The following BORCS5 variants were observed in gnomAD, a reference collection of about 807,000 sequenced individuals.
The protein encoded by BORCS5 is BLOC-1-related complex subunit 5.
Under a neutral mutation model 22.1 loss-of-function variants are expected in BORCS5, and 17 were observed. The observed-to-expected ratio is 0.77, with a 90% CI of 0.53 to 1.15. BORCS5 has a LOEUF of 1.15. Among genes scored for constraint, BORCS5 ranks in the 50% most tolerant of loss-of-function variants. The pLI is 0.00. For synonymous variants in BORCS5, 117 were observed against 99.8 expected (o/e 1.17, Z -1.03); for missense variants, 247 against 253.2 (o/e 0.98, Z 0.17).
At chr12:12,373,024 A>G (rs1863564946) in intron 2 of BORCS5, among the ~76,000 whole-genome samples, 1 of 152,104 alleles carries the variant, frequency 6.6e-6, no homozygotes, top group Admixed American at 6.5e-5. Context: ...CCCAATTCAC[A>G]GGTTGAAATT....
intron 2 of BORCS5, among the ~76,000 whole-genome samples, chr12:12,414,854 C>T: frequency 6.7e-6 from 1 of 149,772 alleles, no homozygotes; most frequent in East Asian, 2.0e-4. Flanking sequence ...GGCAGAGACG[C>T]TCCTCACCTC....
chr12:12,467,032 G>A lies in BORCS5; in HGVS notation c.*1256G>A, dbSNP rs911129104. ...ACTCCTCAAACTCCCGGGCTCCGGG[G>A]ATCCTCACGCCTCAGACTCCTGAGT... On this transcript the variant is annotated 3_prime_UTR_variant, in exon 4 of 4. Transcript: ENST00000314565. The A allele has an allele frequency of 6.6e-6, 1 of 152,184 alleles. No homozygotes were observed. The highest frequency in any genetic ancestry group is 1.5e-5 in the Non-Finnish European group (1 of 68,048). The allele number at this position is 152,184 out of a possible 1,614,324, so 9.4% of individuals were successfully genotyped here.
chr12:12,439,195 G>A (rs141823222), intron 3 of BORCS5, among the ~76,000 whole-genome samples: 4 of 152,318 alleles, frequency 2.6e-5, no homozygotes, highest in East Asian at 1.9e-4. Context: ...GTCTCACTCC[G>A]AACCGATTAG....
At chr12:12,438,385 A>AAAAAAAACAC (rs1555156048) in intron 3 of BORCS5, among the ~76,000 whole-genome samples, 6 of 126,144 alleles carry the variant, frequency 4.8e-5, no homozygotes, top group African/African-American at 2.0e-4. Context: ...AAAAAACGAA[A>AAAAAAAACAC]AACAACAACA....
intron 2 of BORCS5, among the ~76,000 whole-genome samples, chr12:12,413,524 C>T (rs914151872): frequency 6.0e-5 from 9 of 149,148 alleles, no homozygotes; most frequent in Admixed American, 5.3e-4. Context: ...CAGTTTTTTC[C>T]CCACCCTTCC....
intron 3 of BORCS5, among the ~76,000 whole-genome samples, chr12:12,458,578 C>CTTTT (rs57810545): frequency 2.1e-5 from 3 of 139,656 alleles, no homozygotes; most frequent in Non-Finnish European, 1.5e-5. Flanking sequence ...CTTTTCTTTC[C>CTTTT]TTTTTTTTTT....
chr12:12,357,636 GAA>G (rs879543539), intron 1 of BORCS5, 127 bp downstream of exon 1: 132 of 791,920 alleles, frequency 1.7e-4, no homozygotes, highest in African/African-American at 8.0e-4. Context: ...GTGCTAGTAG[GAA>G]AAAAAAAAAG....
chr12:12,461,226 C>T (rs574927227), intron 3 of BORCS5, among the ~76,000 whole-genome samples: 3 of 147,034 alleles, frequency 2.0e-5, no homozygotes, highest in Non-Finnish European at 4.5e-5. Flanking sequence ...TGGAGTGTAG[C>T]GGTGTGATCA....
chr12:12,386,298 GC>G (rs1210276206), intron 2 of BORCS5, among the ~76,000 whole-genome samples: 1 of 149,946 alleles, frequency 6.7e-6, no homozygotes, highest in Admixed American at 6.6e-5. Context: ...ACTGTGCCTG[GC>G]CCCCCATTTG....
chr12:12,464,607 G>A (rs1470423125), intron 3 of BORCS5, among the ~76,000 whole-genome samples: 1 of 152,152 alleles, frequency 6.6e-6, no homozygotes, highest in African/African-American at 2.4e-5. Flanking sequence ...AAAGAAACAA[G>A]GGGTGAGGGG....
At position 12,451,900 on chromosome 12, in the gene BORCS5, G is replaced by C. The variant is rs555363483; in HGVS notation, c.361-13646G>C. On this transcript the variant is annotated intron_variant, in intron 3 of 3. Transcript: ENST00000314565. The stretch of plus-strand genomic sequence containing the variant: ...ACCACTGCACTCCAGCCTGGCGACA[G>C]AGCGAGACTCTTTCTCAAAAAAAAA... Among the ~76,000 whole-genome samples, 7 of 141,046 alleles carry C rather than the reference G, an allele frequency of 5.0e-5. No homozygotes were observed. The East Asian group carries it at 1.2e-3, about 24-fold the overall frequency. The allele number at this position is 141,046 out of a possible 152,430, so 92.5% of individuals were successfully genotyped here.
chr12:12,358,841 T>A (rs1384716927), intron 1 of BORCS5, among the ~76,000 whole-genome samples: 1 of 152,154 alleles, frequency 6.6e-6, no homozygotes, highest in African/African-American at 2.4e-5. Context: ...TGTAAAATGT[T>A]AGGTAAATTA....
rs75102065 is a variant in BORCS5 at position 12,465,312 on chromosome 12, C to T, written c.361-234C>T. Among the ~76,000 whole-genome samples, 883 of 152,266 alleles carry T rather than the reference C, an allele frequency of 5.8e-3. 6 individuals carry two copies. The highest frequency in any genetic ancestry group is 0.02 in the African/African-American group (832 of 41,552). On this transcript the variant is annotated intron_variant, in intron 3 of 3. Coordinates refer to ENST00000314565, the MANE Select transcript of BORCS5 (RefSeq NM_058169.6). ...CAACAAGGTACAAATAACGCACATT[C>T]CCAGAACATAGAGCCAGGGACAGTC...
Position 12,435,587 on chromosome 12 carries a change from G to A in BORCS5, c.203-41G>A, listed in dbSNP as rs759056025. ...AACTACTTTATTCACAAGTTTATTA[G>A]CAGTAATTTTAATTTCATTTCATTT... On this transcript the variant is annotated intron_variant, in intron 2 of 3. Transcript: ENST00000314565. 54 of 1,557,268 alleles carry A rather than the reference G, an allele frequency of 3.5e-5. No individual in the cohort carries two copies. The South Asian group carries it at 4.8e-4, about 14-fold the overall frequency.
chr12:12,370,853 A>G (rs1863510915), intron 2 of BORCS5, among the ~76,000 whole-genome samples: 2 of 151,688 alleles, frequency 1.3e-5, no homozygotes, highest in South Asian at 2.1e-4. Flanking sequence ...GGTTCACGCC[A>G]TTCTCCTGCC....
At chr12:12,434,486 A>G (rs1325462017) in intron 2 of BORCS5, among the ~76,000 whole-genome samples, 1 of 152,182 alleles carries the variant, frequency 6.6e-6, no homozygotes, top group East Asian at 1.9e-4. Flanking sequence ...CTTAGACATT[A>G]TTTGCAAAAC....
At chr12:12,443,739 T>C (rs1041029945) in intron 3 of BORCS5, among the ~76,000 whole-genome samples, 4 of 152,252 alleles carry the variant, frequency 2.6e-5, no homozygotes, top group Non-Finnish European at 5.9e-5. Flanking sequence ...CAATGACATA[T>C]GAGCATGTGT....
intron 3 of BORCS5, among the ~76,000 whole-genome samples, chr12:12,451,250 A>G (rs1182894801): frequency 1.3e-5 from 2 of 151,992 alleles, no homozygotes; most frequent in Non-Finnish European, 2.9e-5. Context: ...TAAAGTAGGT[A>G]TCAGGCAAAC....
At chr12:12,451,929 T>TAAAA (rs34066948) in intron 3 of BORCS5, among the ~76,000 whole-genome samples, 2 of 134,038 alleles carry the variant, frequency 1.5e-5, no homozygotes, top group Non-Finnish European at 3.2e-5. Context: ...AAAAAAAAAT[T>TAAAA]AAAAAAAAAA....
Sources: gnomAD v4.1 joint callset for allele counts (sites outside exome capture counted in the v4.1 genomes callset) on GRCh38, gnomAD v4.1.1 for gene constraint, MANE v1.5 for transcripts, NCBI Gene and HGNC (gene_info 2026-07-23, HGNC 2026-07-21) for gene names.